CACNA2D1: variants seen among roughly 807,000 people sequenced by gnomAD.
CACNA2D1 encodes the protein calcium voltage-gated channel auxiliary subunit alpha2delta 1.
Under a neutral mutation model 171.5 loss-of-function variants are expected in CACNA2D1, and 53 were observed. The ratio of observed to expected loss-of-function variants is 0.31; its 90% CI spans 0.25 to 0.39. The LOEUF is 0.39. CACNA2D1 is among the 10% of genes least tolerant of loss of function. The pLI is 1.00. For synonymous variants in CACNA2D1, 442 were observed against 443.1 expected (o/e 1.00, Z 0.03); for missense variants, 903 against 1,299.8 (o/e 0.69, Z 4.69).
chr7:82,384,800 G>A (rs570093696), intron 1 of CACNA2D1, among the ~76,000 whole-genome samples: 9 of 152,266 alleles, frequency 5.9e-5, no homozygotes, highest in South Asian at 2.1e-4. Context: ...ATCAGTAGAC[G>A]TTAGGACAGA....
chr7:82,396,391 G>A (rs1265212446), intron 1 of CACNA2D1, among the ~76,000 whole-genome samples: 1 of 152,116 alleles, frequency 6.6e-6, no homozygotes, highest in Non-Finnish European at 1.5e-5. Flanking sequence ...GTAATTTCAA[G>A]CAATGTGGAA....
chr7:82,140,816 G>A (rs928117685), intron 4 of CACNA2D1, among the ~76,000 whole-genome samples: 2 of 151,748 alleles, frequency 1.3e-5, no homozygotes, highest in Non-Finnish European at 2.9e-5. Flanking sequence ...TTGGCAGGGC[G>A]TGGTGGCGGG....
At chr7:82,085,543 A>AG (rs1254148857) in intron 6 of CACNA2D1, among the ~76,000 whole-genome samples, 3 of 151,824 alleles carry the variant, frequency 2.0e-5, no homozygotes, top group Non-Finnish European at 4.4e-5. Context: ...AAAGAAAAAA[A>AG]GTCATTGGGC....
chr7:82,200,894 T>C (rs1799354133), intron 3 of CACNA2D1, among the ~76,000 whole-genome samples: 1 of 152,298 alleles, frequency 6.6e-6, no homozygotes, highest in African/African-American at 2.4e-5. Flanking sequence ...AGACAAGCAA[T>C]CTTATGACTG....
chr7:81,957,721 C>CACAAGATATT (rs1793581385), intron 38 of CACNA2D1, among the ~76,000 whole-genome samples: 1 of 152,110 alleles, frequency 6.6e-6, no homozygotes. Flanking sequence ...GCTAAAGAAA[C>CACAAGATATT]ACAAGATATT....
chr7:82,211,196 T>C (rs1279938427), intron 3 of CACNA2D1, among the ~76,000 whole-genome samples: 4 of 152,070 alleles, frequency 2.6e-5, no homozygotes, highest in Non-Finnish European at 5.9e-5. Flanking sequence ...TTAATAAAAG[T>C]TCTTTTTTTC....
intron 4 of CACNA2D1, among the ~76,000 whole-genome samples, chr7:82,142,140 T>C (rs258716): frequency 0.1 from 15,819 of 152,234 alleles, 1,035 homozygotes; most frequent in Middle Eastern, 0.24. Flanking sequence ...GGATTAAACC[T>C]TTGGAGAGCT....
intron 5 of CACNA2D1, among the ~76,000 whole-genome samples, chr7:82,130,660 C>G (rs1790848222): frequency 6.6e-6 from 1 of 151,972 alleles, no homozygotes; most frequent in East Asian, 1.9e-4. Flanking sequence ...CAAATCATCT[C>G]CAGCAGAACT....
At chr7:82,363,427 G>A (rs528023891) in intron 1 of CACNA2D1, among the ~76,000 whole-genome samples, 45 of 151,828 alleles carry the variant, frequency 3.0e-4, no homozygotes, top group Admixed American at 7.9e-4. Flanking sequence ...ACCACTTCCG[G>A]CTAATTTTTT....
At chr7:82,393,083 AAGGCAGGCAGGCAGGCAGGC>A (rs1204828684) in intron 1 of CACNA2D1, among the ~76,000 whole-genome samples, 4 of 82,412 alleles carry the variant, frequency 4.9e-5, no homozygotes, top group African/African-American at 2.1e-4. Context: ...GGAAGGAAGG[AAGGCAGGCAGGCAGGCAGGC>A]AGGCAGGCAG....
chr7:81,983,198 A>C (rs1796611794), intron 23 of CACNA2D1, 116 bp downstream of exon 23: 4 of 871,358 alleles, frequency 4.6e-6, no homozygotes, highest in South Asian at 3.1e-5. Flanking sequence ...AGTGATCATG[A>C]AGGAAAATTT....
chr7:82,137,278 C>G (rs564438844), intron 4 of CACNA2D1, among the ~76,000 whole-genome samples: 64 of 152,222 alleles, frequency 4.2e-4, no homozygotes, highest in African/African-American at 5.1e-4. Context: ...ATGGATGACT[C>G]TGCTAGCCAT....
rs555915140 is a variant in CACNA2D1 at position 81,988,048 on chromosome 7, G to A, written c.1796+3137C>T. On this transcript the variant is annotated intron_variant, in intron 21 of 38. Coordinates refer to ENST00000356860, the MANE Select transcript of CACNA2D1 (RefSeq NM_000722.4). ...AGCATAGAGGCCATTTGTGAGACACGTAAAACACCCCAAAAGTGTCCTTAT... is the reference window on the plus strand; with the variant it reads ...AGCATAGAGGCCATTTGTGAGACACATAAAACACCCCAAAAGTGTCCTTAT... Among the ~76,000 whole-genome samples, 99 of 152,234 alleles carry A rather than the reference G, an allele frequency of 6.5e-4. 1 individual carries two copies. The highest frequency in any genetic ancestry group is 2.3e-3 in the African/African-American group (94 of 41,562).
chr7:82,264,560 A>T (rs1004387599), intron 3 of CACNA2D1, among the ~76,000 whole-genome samples: 1 of 152,200 alleles, frequency 6.6e-6, no homozygotes, highest in Non-Finnish European at 1.5e-5. Flanking sequence ...TCTGCAAGCC[A>T]CCCACTTTAA....
intron 4 of CACNA2D1, among the ~76,000 whole-genome samples, chr7:82,154,734 C>G (rs1272263084): frequency 6.6e-6 from 1 of 152,126 alleles, no homozygotes; most frequent in African/African-American, 2.4e-5. Context: ...TTGTATAAAT[C>G]TTTGCCTTTT....
chr7:82,351,679 T>A (rs1205110419), intron 1 of CACNA2D1, among the ~76,000 whole-genome samples: 1 of 152,162 alleles, frequency 6.6e-6, no homozygotes, highest in Non-Finnish European at 1.5e-5. Context: ...TAGTGCTACT[T>A]ATTAGCTGGT....
intron 1 of CACNA2D1, among the ~76,000 whole-genome samples, chr7:82,429,707 T>C (rs1829511429): frequency 6.6e-6 from 1 of 152,222 alleles, no homozygotes; most frequent in Admixed American, 6.5e-5. Flanking sequence ...CCTATGTTTA[T>C]TCATTACCAT....
intron 38 of CACNA2D1, among the ~76,000 whole-genome samples, chr7:81,956,778 A>ACGAAAGTGCGTG (rs1423302173): frequency 6.6e-6 from 1 of 152,088 alleles, no homozygotes; most frequent in African/African-American, 2.4e-5. Flanking sequence ...GACAAACACA[A>ACGAAAGTGCGTG]CGAAAGTGCG....
intron 7 of CACNA2D1, among the ~76,000 whole-genome samples, chr7:82,083,916 A>C (rs374660543): frequency 6.6e-6 from 1 of 152,202 alleles, no homozygotes; most frequent in East Asian, 1.9e-4. Flanking sequence ...AGGACACCCA[A>C]GTCTCAAGAA....
Sources: gnomAD v4.1 joint callset for allele counts (sites outside exome capture counted in the v4.1 genomes callset) on GRCh38, gnomAD v4.1.1 for gene constraint, MANE v1.5 for transcripts, NCBI Gene and HGNC (gene_info 2026-07-23, HGNC 2026-07-21) for gene names.